AKAP6: variants seen among roughly 807,000 people sequenced by gnomAD.
AKAP6 encodes the protein A-kinase anchoring protein 6.
AKAP6 carries 58 observed loss-of-function variants against 188.5 expected under a neutral mutation model. The observed-to-expected ratio is 0.31, with a 90% CI of 0.25 to 0.38. The LOEUF (loss-of-function observed/expected upper bound fraction) is 0.38, where lower values mean the gene tolerates loss of function less well. AKAP6 is among the 10% of genes least tolerant of loss of function. The pLI, the probability that AKAP6 is intolerant of heterozygous loss-of-function variation, is 1.00. For synonymous variants in AKAP6, 989 were observed against 998.6 expected (o/e 0.99, Z 0.18); for missense variants, 2,710 against 2,740.0 (o/e 0.99, Z 0.24).
chr14:32,590,138 T>G (rs1885426752), intron 5 of AKAP6, among the ~76,000 whole-genome samples: 1 of 152,340 alleles, frequency 6.6e-6, no homozygotes, highest in South Asian at 2.1e-4. Flanking sequence ...ATGAGCATGC[T>G]TTTATCATTT....
chr14:32,706,762 G>A (rs1187782791), intron 9 of AKAP6, among the ~76,000 whole-genome samples: 1 of 152,018 alleles, frequency 6.6e-6, no homozygotes, highest in Non-Finnish European at 1.5e-5. Flanking sequence ...GGAAGGAGTG[G>A]TCTTCCTGCT....
At chr14:32,760,749 T>A (rs1204157850) in intron 11 of AKAP6, among the ~76,000 whole-genome samples, 1 of 152,206 alleles carries the variant, frequency 6.6e-6, no homozygotes, top group Non-Finnish European at 1.5e-5. Flanking sequence ...AGATCTTCAC[T>A]TTGTTTTAGC....
intron 2 of AKAP6, among the ~76,000 whole-genome samples, chr14:32,528,701 A>G (rs1051405278): frequency 1.1e-4 from 16 of 152,166 alleles, no homozygotes; most frequent in African/African-American, 3.9e-4. Context: ...TTTTTTAGAC[A>G]GAGTCTAGCT....
chr14:32,719,264 C>T (rs1233102502), intron 9 of AKAP6, among the ~76,000 whole-genome samples: 1 of 152,180 alleles, frequency 6.6e-6, no homozygotes, highest in Non-Finnish European at 1.5e-5. Flanking sequence ...TCTGTCTTAA[C>T]ACCTACCATC....
At chr14:32,449,986 C>T (rs1015596532) in intron 2 of AKAP6, among the ~76,000 whole-genome samples, 7 of 152,180 alleles carry the variant, frequency 4.6e-5, no homozygotes, top group African/African-American at 7.2e-5. Flanking sequence ...TGCCTACCCT[C>T]GTGCCTCCTT....
chr14:32,787,828 A>G (rs1417526215), intron 12 of AKAP6, among the ~76,000 whole-genome samples: 1 of 151,986 alleles, frequency 6.6e-6, no homozygotes, highest in African/African-American at 2.4e-5. Flanking sequence ...TAAATCCCTC[A>G]CCATTTTTTT....
At chr14:32,745,461 TTCTC>T (rs71115094) in intron 11 of AKAP6, among the ~76,000 whole-genome samples, 47,002 of 140,594 alleles carry the variant, frequency 0.33, 8,077 homozygotes, top group South Asian at 0.54. Flanking sequence ...TATTTATTCA[TTCTC>T]TCTCTCTCTC....
Position 32,404,052 on chromosome 14 carries a change from G to T in AKAP6, c.-34-29408G>T, listed in dbSNP as rs77034300. Among the ~76,000 whole-genome samples, 162 of 152,268 alleles carry T rather than the reference G, an allele frequency of 1.1e-3. 1 individual carries two copies. The highest frequency in any genetic ancestry group is 1.7e-3 in the Non-Finnish European group (115 of 68,014). On this transcript the variant is annotated intron_variant, in intron 1 of 13. Coordinates refer to ENST00000280979, the MANE Select transcript of AKAP6 (RefSeq NM_004274.5). ...GTCATTTAAAGATTACCAGGCTAAA[G>T]AATCAAGATCCTTTGAATTTCAGTG...
chr14:32,426,076 A>G (rs1054039818), intron 1 of AKAP6, among the ~76,000 whole-genome samples: 1 of 152,160 alleles, frequency 6.6e-6, no homozygotes, highest in Non-Finnish European at 1.5e-5. Flanking sequence ...CTAGCCAGTT[A>G]TCCCAGCACC....
chr14:32,682,099 G>T (rs1388537556), intron 8 of AKAP6, among the ~76,000 whole-genome samples: 1 of 152,074 alleles, frequency 6.6e-6, no homozygotes, highest in African/African-American at 2.4e-5. Flanking sequence ...CTCATTGAAG[G>T]CAGAGCTCAA....
intron 4 of AKAP6, among the ~76,000 whole-genome samples, chr14:32,548,799 C>T (rs775710127): frequency 3.9e-5 from 6 of 152,106 alleles, no homozygotes; most frequent in South Asian, 2.1e-4. Context: ...TCTCCTTCGC[C>T]GGGAAACTAT....
intron 8 of AKAP6, among the ~76,000 whole-genome samples, chr14:32,685,724 C>CA (rs71115091): frequency 0.41 from 35,036 of 85,810 alleles, 7,131 homozygotes; most frequent in East Asian, 0.75. Flanking sequence ...GACTCCATCT[C>CA]AAAAAAAAAA....
intron 11 of AKAP6, among the ~76,000 whole-genome samples, chr14:32,753,142 A>C (rs1363862018): frequency 6.6e-6 from 1 of 152,034 alleles, no homozygotes; most frequent in Non-Finnish European, 1.5e-5. Context: ...TTCCATATTT[A>C]TATTAATTTA....
chr14:32,523,090 C>T (rs1381819438), intron 2 of AKAP6, among the ~76,000 whole-genome samples: 3 of 151,610 alleles, frequency 2.0e-5, no homozygotes, highest in African/African-American at 7.3e-5. Flanking sequence ...AAAAACCAAA[C>T]ACCGCATGTT....
At position 32,545,223 on chromosome 14, in the gene AKAP6, G is replaced by A; in HGVS notation, c.577-7G>A. 1.2e-6 allele frequency: 2 copies of A among 1,609,676 alleles called. No individual in the cohort carries two copies. Among genetic ancestry groups the A allele is most frequent in the Non-Finnish European group, 1.7e-6 (2 of 1,176,774 alleles). ...TTTACTGAAACCATTGCCATTGTCT[G>A]TTTCAGGGCCGGCTTGATTCTCTAA... On this transcript the variant is annotated splice_region_variant and splice_polypyrimidine_tract_variant and intron_variant, in intron 3 of 13. Coordinates refer to ENST00000280979, the MANE Select transcript of AKAP6 (RefSeq NM_004274.5).
intron 1 of AKAP6, among the ~76,000 whole-genome samples, chr14:32,407,338 A>G (rs996761612): frequency 1.3e-5 from 2 of 152,188 alleles, no homozygotes; most frequent in Non-Finnish European, 2.9e-5. Flanking sequence ...TGTTCAGAGA[A>G]TTAGACAAAC....
intron 11 of AKAP6, among the ~76,000 whole-genome samples, chr14:32,764,271 G>A (rs1051962373): frequency 6.6e-6 from 1 of 152,100 alleles, no homozygotes; most frequent in Non-Finnish European, 1.5e-5. Flanking sequence ...ATAAATATTT[G>A]TTCAATGAAT....
At chr14:32,463,016 A>C (rs948085012) in intron 2 of AKAP6, among the ~76,000 whole-genome samples, 3 of 151,490 alleles carry the variant, frequency 2.0e-5, no homozygotes, top group Non-Finnish European at 2.9e-5. Context: ...GGCATTACAT[A>C]ATGGTAAAGG....
At chr14:32,360,473 C>T (rs936177893) in intron 1 of AKAP6, among the ~76,000 whole-genome samples, 1 of 152,104 alleles carries the variant, frequency 6.6e-6, no homozygotes, top group African/African-American at 2.4e-5. Context: ...TAGCATTCAT[C>T]AATAGATCTT....
Sources: allele counts gnomAD v4.1 joint callset (sites outside exome capture counted in the v4.1 genomes callset), GRCh38; gene constraint gnomAD v4.1.1; transcripts MANE v1.5; gene names NCBI Gene and HGNC (gene_info 2026-07-23, HGNC 2026-07-21).